Variants in GLRA3 observed in about 807,000 individuals in gnomAD.
GLRA3 encodes glycine receptor subunit alpha-3.
Under a neutral mutation model 60.4 loss-of-function variants are expected in GLRA3, and 44 were observed. That is an observed-to-expected ratio of 0.73 (90% CI 0.57 to 0.94). GLRA3 has a LOEUF of 0.94. Ranked by LOEUF, GLRA3 falls within the 40% of genes least tolerant of loss-of-function variation. The pLI, the probability that GLRA3 is intolerant of heterozygous loss-of-function variation, is 0.00. For missense variants in GLRA3, 508 were observed against 564.6 expected (o/e 0.90, Z 1.02); for synonymous variants, 223 against 192.9 (o/e 1.16, Z -1.29).
rs114506802 is a variant in GLRA3, at chr4:174,660,628, T to A, written c.928-1431A>T. On this transcript the variant is annotated intron_variant, in intron 7 of 9. Coordinates refer to ENST00000274093, the MANE Select transcript of GLRA3 (RefSeq NM_006529.4). ...TATAAGTATTCTGTTACTCTTTAAA[T>A]CTTCACACACTAGTTTTAACATTCG... Among the ~76,000 whole-genome samples, 113 of 152,352 alleles carry A rather than the reference T, an allele frequency of 7.4e-4. 1 individual carries two copies. The highest frequency in any genetic ancestry group is 2.7e-3 in the African/African-American group (111 of 41,584).
At chr4:174,656,430 G>T (rs997743383) in intron 9 of GLRA3, among the ~76,000 whole-genome samples, 1 of 151,708 alleles carries the variant, frequency 6.6e-6, no homozygotes, top group Non-Finnish European at 1.5e-5. Flanking sequence ...TTCTTCTCTG[G>T]TGATTATTAC....
chr4:174,649,995 G>A (rs1732970438), intron 9 of GLRA3, among the ~76,000 whole-genome samples: 1 of 152,066 alleles, frequency 6.6e-6, no homozygotes, highest in African/African-American at 2.4e-5. Context: ...TTTTTAATAA[G>A]TGATACTTTC....
intron 5 of GLRA3, among the ~76,000 whole-genome samples, chr4:174,697,666 G>A (rs1439317784): frequency 6.6e-6 from 1 of 152,108 alleles, no homozygotes; most frequent in Non-Finnish European, 1.5e-5. Flanking sequence ...ACATTTTAAC[G>A]TATATCACAG....
chr4:174,799,863 T>G (rs1222317184), intron 1 of GLRA3, among the ~76,000 whole-genome samples: 1 of 152,080 alleles, frequency 6.6e-6, no homozygotes, highest in Non-Finnish European at 1.5e-5. Flanking sequence ...GGAAAAAAAG[T>G]AAAAGAGAAT....
At chr4:174,726,073 A>G (rs116131330) in intron 4 of GLRA3, among the ~76,000 whole-genome samples, 8,610 of 152,282 alleles carry the variant, frequency 0.057, 304 homozygotes, top group South Asian at 0.1. Context: ...TGGATGTCCC[A>G]GGTGTAAGCA....
chr4:174,702,815 G>C (rs894633329), intron 5 of GLRA3, among the ~76,000 whole-genome samples: 1 of 152,096 alleles, frequency 6.6e-6, no homozygotes, highest in Non-Finnish European at 1.5e-5. Flanking sequence ...TGAGCCTCAT[G>C]CTTCTTTAGA....
chr4:174,694,711 C>A (rs1415537894), intron 5 of GLRA3, among the ~76,000 whole-genome samples: 1 of 151,852 alleles, frequency 6.6e-6, no homozygotes, highest in Non-Finnish European at 1.5e-5. Context: ...CCAAAGCTAG[C>A]AGAAGACAAG....
Position 174,642,463 on chromosome 4 carries a change from G to A in GLRA3, c.*1323C>T. 1.0e-6 allele frequency: 1 copy of A among 976,962 alleles called. No homozygotes were observed. The highest frequency in any genetic ancestry group is 1.2e-6 in the Non-Finnish European group (1 of 822,352). The allele number at this position is 976,962 out of a possible 1,614,324, so 60.5% of individuals were successfully genotyped here. On this transcript the variant is annotated 3_prime_UTR_variant, in exon 10 of 10. Transcript: ENST00000274093. ...TATGGTAAAAATAGTTAAAAAAATA[G>A]CAAAACTGAAAAAGAGTCAGAGTCT...
rs1190508066 is a variant in GLRA3, at chr4:174,643,420, AT to A, written c.*365del. 2 of 517,140 alleles carry A rather than the reference AT, an allele frequency of 3.9e-6. No individual in the cohort carries two copies. The highest frequency in any genetic ancestry group is 2.2e-4 in the African/African-American group (2 of 8,912). 32.0% of individuals were successfully genotyped at this position (517,140 alleles called of 1,614,324 possible). On this transcript the variant is annotated 3_prime_UTR_variant, in exon 10 of 10. Coordinates refer to ENST00000274093, the MANE Select transcript of GLRA3 (RefSeq NM_006529.4). Reference sequence around the variant, plus strand: ...ACTGTGCAAAATTTGCTTTTGTATGATTTAATAGCATTGAATTACAAATCAA... The same window carrying A: ...ACTGTGCAAAATTTGCTTTTGTATGATTAATAGCATTGAATTACAAATCAA...
intron 9 of GLRA3, among the ~76,000 whole-genome samples, chr4:174,648,594 T>C (rs1012540013): frequency 6.6e-6 from 1 of 152,140 alleles, no homozygotes; most frequent in African/African-American, 2.4e-5. Context: ...GGTGGCCATA[T>C]GACAATGAGA....
intron 9 of GLRA3, among the ~76,000 whole-genome samples, chr4:174,648,213 C>A (rs1041325113): frequency 1.3e-5 from 2 of 152,086 alleles, no homozygotes; most frequent in East Asian, 3.8e-4. Flanking sequence ...CTAATCCTAG[C>A]ACTTTGAGAG....
At chr4:174,788,590 T>TAAAAAAAAAAAAAAAAAAAAAAA (rs35640897) in intron 2 of GLRA3, among the ~76,000 whole-genome samples, 1 of 87,876 alleles carries the variant, frequency 1.1e-5, no homozygotes, top group African/African-American at 4.3e-5. Flanking sequence ...GTTAGAGAAG[T>TAAAAAAAAAAAAAAAAAAAAAAA]AAAAAAAAAA....
intron 5 of GLRA3, among the ~76,000 whole-genome samples, chr4:174,706,557 C>A (rs1277907923): frequency 6.6e-6 from 1 of 152,156 alleles, no homozygotes; most frequent in Non-Finnish European, 1.5e-5. Flanking sequence ...TCAGGCTATA[C>A]ATTTAATTTC....
At chr4:174,645,209 C>A (rs974440780) in intron 9 of GLRA3, among the ~76,000 whole-genome samples, 3 of 151,778 alleles carry the variant, frequency 2.0e-5, no homozygotes, top group African/African-American at 7.3e-5. Flanking sequence ...GTCAGGAGAT[C>A]GAGACCATCT....
intron 7 of GLRA3, among the ~76,000 whole-genome samples, chr4:174,663,776 T>A (rs1420047136): frequency 6.6e-6 from 1 of 152,160 alleles, no homozygotes; most frequent in Non-Finnish European, 1.5e-5. Flanking sequence ...AACACACTCA[T>A]GACACACAGC....
intron 1 of GLRA3, among the ~76,000 whole-genome samples, chr4:174,789,253 A>C (rs1739235722): frequency 6.6e-6 from 1 of 152,216 alleles, no homozygotes; most frequent in African/African-American, 2.4e-5. Context: ...TTCTGATAGC[A>C]ATTTTTAACC....
At chr4:174,744,035 C>T (rs947631934) in intron 3 of GLRA3, among the ~76,000 whole-genome samples, 1 of 152,172 alleles carries the variant, frequency 6.6e-6, no homozygotes, top group Non-Finnish European at 1.5e-5. Context: ...GTAGCATGGC[C>T]TTTGTGCTTG....
intron 2 of GLRA3, among the ~76,000 whole-genome samples, chr4:174,778,661 T>C (rs764299968): frequency 2.0e-4 from 31 of 152,344 alleles, no homozygotes; most frequent in Admixed American, 3.3e-4. Flanking sequence ...TTGCCTCACT[T>C]GGGAAGTGCA....
At chr4:174,647,550 T>C (rs1241959569) in intron 9 of GLRA3, among the ~76,000 whole-genome samples, 1 of 152,152 alleles carries the variant, frequency 6.6e-6, no homozygotes, top group Admixed American at 6.5e-5. Flanking sequence ...TTAATTTTAA[T>C]CTTCCCTTCT....
Sources: allele counts gnomAD v4.1 joint callset (sites outside exome capture counted in the v4.1 genomes callset), GRCh38; gene constraint gnomAD v4.1.1; transcripts MANE v1.5; gene names NCBI Gene and HGNC (gene_info 2026-07-23, HGNC 2026-07-21).